The following AFAP1L2 variants were observed in gnomAD, a reference collection of about 807,000 sequenced individuals.
AFAP1L2 encodes the protein actin filament associated protein 1 like 2.
Under a neutral mutation model 99.3 loss-of-function variants are expected in AFAP1L2, and 46 were observed. The observed-to-expected ratio is 0.46, with a 90% confidence interval of 0.37 to 0.59. The LOEUF (loss-of-function observed/expected upper bound fraction) is 0.59. AFAP1L2 is among the 20% of genes least tolerant of loss of function. The pLI, the probability that AFAP1L2 is intolerant of heterozygous loss-of-function variation, is 0.00. For synonymous variants in AFAP1L2, 397 were observed against 419.1 expected (o/e 0.95, Z 0.64); for missense variants, 959 against 1,034.9 (o/e 0.93, Z 1.01).
intron 11 of AFAP1L2, among the ~76,000 whole-genome samples, chr10:114,303,412 A>G (rs1203133121): frequency 1.3e-5 from 2 of 152,132 alleles, no homozygotes; most frequent in African/African-American, 2.4e-5. Flanking sequence ...GCTTCAAGCA[A>G]TTCTCCTGTG....
chr10:114,303,005 C>G (rs1175378939), intron 11 of AFAP1L2, among the ~76,000 whole-genome samples: 1 of 152,130 alleles, frequency 6.6e-6, no homozygotes, highest in Non-Finnish European at 1.5e-5. Context: ...TTTTAAATAC[C>G]TTACACTAGC....
intron 1 of AFAP1L2, among the ~76,000 whole-genome samples, chr10:114,399,492 G>A (rs781144265): frequency 4.6e-5 from 7 of 152,128 alleles, no homozygotes; most frequent in Non-Finnish European, 1.0e-4. Context: ...CCTTGAAAAG[G>A]AATTCTACCC....
At chr10:114,352,598 G>C (rs2050707354) in intron 1 of AFAP1L2, among the ~76,000 whole-genome samples, 1 of 151,054 alleles carries the variant, frequency 6.6e-6, no homozygotes, top group African/African-American at 2.4e-5. Flanking sequence ...TTAAACCCTT[G>C]CAGGAAACCA....
chr10:114,282,011 T>C, the AFAP1L2 span, among the ~76,000 whole-genome samples: 17 of 125,508 alleles, frequency 1.4e-4, no homozygotes, highest in East Asian at 4.3e-3. Context: ...AGCCAGCTTA[T>C]GTTACCTTTT....
Position 114,300,347 on chromosome 10 carries a change from C to T in AFAP1L2, c.1804G>A (p.Glu602Lys), listed in dbSNP as rs570062936. 15 of 1,614,166 alleles carry T rather than the reference C, an allele frequency of 9.3e-6. No homozygotes were observed. In the African/African-American group the frequency reaches 1.2e-4, roughly 13 times the overall value. Residue 602 changes from glutamate to lysine, a missense_variant, in exon 15 of 19, where the codon GAG (glutamate) becomes AAG (lysine). Physicochemically the swap from Glu to Lys is moderately conservative, Grantham distance 56. Transcript: ENST00000304129. The part of the protein sequence containing the change: ...NLGEQQLESL[E>K]PEDPSLRITT... ...ATTCTCAGGGAAGGATCCTCTGGCT[C>T]CAAACTCTCCAGCTGCTTTGGGGGA...
In AFAP1L2 at chr10:114,307,912, G is replaced by C; in HGVS notation, c.968-3C>G. ...GCCAGCAGAACATTTCTTCTTGACTGTCAAGATGAGACAGAAAGCAATTCG... is the reference window on the plus strand; with the variant it reads ...GCCAGCAGAACATTTCTTCTTGACTCTCAAGATGAGACAGAAAGCAATTCG... On this transcript the variant is annotated splice_region_variant and splice_polypyrimidine_tract_variant and intron_variant, in intron 9 of 18. Transcript: ENST00000304129. 2 of 1,613,792 alleles carry C rather than the reference G, an allele frequency of 1.2e-6. No homozygotes were observed. Among genetic ancestry groups the C allele is most frequent in the Non-Finnish European group, 1.7e-6 (2 of 1,179,708 alleles).
At chr10:114,398,982 T>C (rs1204744301) in intron 1 of AFAP1L2, 1 of 1,207,494 alleles carries the variant, frequency 8.3e-7, no homozygotes, top group Admixed American at 2.3e-5. Context: ...ATTTCTGGAA[T>C]CTGCCTTTGA....
At chr10:114,354,877 C>T (rs10885557) in intron 1 of AFAP1L2, among the ~76,000 whole-genome samples, 90,417 of 152,098 alleles carry the variant, frequency 0.59, 28,125 homozygotes, top group Admixed American at 0.7. Flanking sequence ...TCCCTTTTCA[C>T]ATAAGCTAGG....
chr10:114,292,038 A>G (rs2039650586), downstream of AFAP1L2, among the ~76,000 whole-genome samples: 1 of 152,138 alleles, frequency 6.6e-6, no homozygotes, highest in South Asian at 2.1e-4. Context: ...AGCACTTTGG[A>G]GGCTGAGGCA....
At chr10:114,284,896 G>A in the AFAP1L2 span, 2 of 1,607,856 alleles carry the variant, frequency 1.2e-6, no homozygotes, top group Admixed American at 1.7e-5. Flanking sequence ...CAGAATGGAG[G>A]CACATGTGTT....
intron 11 of AFAP1L2, among the ~76,000 whole-genome samples, chr10:114,303,589 G>A (rs2041610356): frequency 6.6e-6 from 1 of 152,238 alleles, no homozygotes; most frequent in Admixed American, 6.5e-5. Flanking sequence ...TTACAGGCGT[G>A]GGCCATCATG....
chr10:114,385,233 C>T (rs929097686), intron 1 of AFAP1L2, among the ~76,000 whole-genome samples: 5 of 152,152 alleles, frequency 3.3e-5, no homozygotes, highest in African/African-American at 1.2e-4. Context: ...GCCAGGCACA[C>T]AGAGAAGCCC....
chr10:114,311,884 G>C (rs1487122879), intron 7 of AFAP1L2, among the ~76,000 whole-genome samples: 2 of 152,234 alleles, frequency 1.3e-5, no homozygotes, highest in Non-Finnish European at 2.9e-5. Context: ...AAGGAAGGTA[G>C]ATGGGCTTCA....
intron 4 of AFAP1L2, among the ~76,000 whole-genome samples, chr10:114,326,781 T>C (rs145687760): frequency 6.6e-5 from 10 of 152,288 alleles, no homozygotes; most frequent in African/African-American, 2.4e-4. Flanking sequence ...AATAGAAATA[T>C]CTGTCACATG....
chr10:114,340,827 C>A (rs2048712921), intron 1 of AFAP1L2, 96 bp from the exon 2 acceptor site: 4 of 1,549,358 alleles, frequency 2.6e-6, no homozygotes, highest in Non-Finnish European at 3.6e-6. Flanking sequence ...CCACCTCGAA[C>A]CCTCTGGTCC....
chr10:114,403,637 A>G lies in AFAP1L2; in HGVS notation c.16+803T>C, dbSNP rs143661901. On this transcript the variant is annotated intron_variant, in intron 1 of 18. Coordinates refer to ENST00000304129, the MANE Select transcript of AFAP1L2 (RefSeq NM_001001936.3). ...GTACTCCCTTTTCAAAAGAACCGCA[A>G]TCGAGACTTGTAGACCAGCTCCGAG... Among the ~76,000 whole-genome samples the G allele has an allele frequency of 2.0e-3, 305 of 152,288 alleles. 2 individuals are homozygous for G. The highest frequency in any genetic ancestry group is 6.9e-3 in the African/African-American group (288 of 41,562).
chr10:114,305,427 AGGAGGG>A (rs1315829088), intron 10 of AFAP1L2, among the ~76,000 whole-genome samples: 1 of 5,078 alleles, frequency 2.0e-4, no homozygotes, highest in Non-Finnish European at 7.1e-4. Flanking sequence ...ATGCAGATGC[AGGAGGG>A]GACGCAGATG....
At chr10:114,284,792 A>G in the AFAP1L2 span, 1 of 1,435,648 alleles carries the variant, frequency 7.0e-7, no homozygotes, top group Non-Finnish European at 9.4e-7. Context: ...AGCTGCACCC[A>G]CACCTCTGGC....
intron 1 of AFAP1L2, among the ~76,000 whole-genome samples, chr10:114,360,817 C>G (rs2052288339): frequency 6.6e-6 from 1 of 152,158 alleles, no homozygotes; most frequent in East Asian, 1.9e-4. Flanking sequence ...CAGATCAGGA[C>G]AATATCTTGG....
Sources: gnomAD v4.1 joint callset for allele counts (sites outside exome capture counted in the v4.1 genomes callset) on GRCh38, gnomAD v4.1.1 for gene constraint, MANE v1.5 for transcripts, NCBI Gene and HGNC (gene_info 2026-07-23, HGNC 2026-07-21) for gene names.